CERKL: variants seen among roughly 807,000 people sequenced by gnomAD.
CERKL encodes CERK like autophagy regulator, also known as ceramide kinase-like protein.
CERKL carries 61 observed loss-of-function variants against 63.4 expected under a neutral mutation model. The observed-to-expected ratio is 0.96, with a 90% CI of 0.78 to 1.19. The LOEUF (loss-of-function observed/expected upper bound fraction) is 1.19. CERKL is among the 50% of genes most tolerant of loss of function. The pLI, the probability that CERKL is intolerant of heterozygous loss-of-function variation, is 0.00. For synonymous variants in CERKL, 250 were observed against 230.5 expected (o/e 1.08, Z -0.77); for missense variants, 675 against 655.5 (o/e 1.03, Z -0.33).
intron 3 of CERKL, among the ~76,000 whole-genome samples, chr2:181,572,040 GC>G (rs1688923884): frequency 6.6e-6 from 1 of 152,044 alleles, no homozygotes. Flanking sequence ...GGAAAGTAGA[GC>G]AAAGTTATGG....
At chr2:181,553,703 G>T (rs1688086570) in intron 5 of CERKL, among the ~76,000 whole-genome samples, 2 of 152,148 alleles carry the variant, frequency 1.3e-5, no homozygotes, top group Non-Finnish European at 1.5e-5. Context: ...CTAGAAGTCA[G>T]AAAATTATTT....
At chr2:181,597,585 C>A (rs936849809) in intron 2 of CERKL, among the ~76,000 whole-genome samples, 10 of 152,174 alleles carry the variant, frequency 6.6e-5, no homozygotes, top group Non-Finnish European at 1.5e-4. Context: ...AGGCCCCACC[C>A]TTGTGACCCA....
chr2:181,569,106 T>C (rs146383472), intron 3 of CERKL, among the ~76,000 whole-genome samples: 138 of 152,282 alleles, frequency 9.1e-4, no homozygotes, highest in African/African-American at 3.3e-3. Flanking sequence ...CATATCACTT[T>C]TTTGTATATA....
At chr2:181,610,999 C>T (rs1574496746) in intron 1 of CERKL, among the ~76,000 whole-genome samples, 1 of 151,820 alleles carries the variant, frequency 6.6e-6, no homozygotes, top group South Asian at 2.1e-4. Context: ...CTGAGGTGGG[C>T]GGATCACAGG....
At chr2:181,622,336 C>T (rs1011010368) in intron 1 of CERKL, among the ~76,000 whole-genome samples, 7 of 152,162 alleles carry the variant, frequency 4.6e-5, no homozygotes, top group African/African-American at 1.7e-4. Context: ...ACCTGTGCCT[C>T]TGTGGCAGAA....
chr2:181,552,013 C>T (rs982150410), intron 5 of CERKL, among the ~76,000 whole-genome samples: 23 of 152,028 alleles, frequency 1.5e-4, no homozygotes, highest in African/African-American at 5.3e-4. Context: ...ATTTACAACA[C>T]GTGGATAAAC....
At chr2:181,603,255 C>T (rs146679978) in intron 2 of CERKL, 67 of 181,496 alleles carry the variant, frequency 3.7e-4, no homozygotes, top group African/African-American at 1.5e-3. Context: ...AAGGAGAATA[C>T]ATTCTTATAT....
At chr2:181,623,984 A>G (rs569541907) in intron 1 of CERKL, among the ~76,000 whole-genome samples, 122 of 152,324 alleles carry the variant, frequency 8.0e-4, no homozygotes, top group African/African-American at 2.8e-3. Flanking sequence ...ATTTTAACAC[A>G]TAGCTGGTTC....
At chr2:181,640,703 AT>A (rs1207650794) in intron 1 of CERKL, among the ~76,000 whole-genome samples, 1 of 152,192 alleles carries the variant, frequency 6.6e-6, no homozygotes, top group African/African-American at 2.4e-5. Flanking sequence ...TCTGTTCTCT[AT>A]ATCCATTGCC....
rs77555152 is a variant in CERKL, at chr2:181,563,065, C to A, written c.677+2993G>T. Among the ~76,000 whole-genome samples, 344 of 152,158 alleles carry A rather than the reference C, an allele frequency of 2.3e-3. 12 individuals carry two copies. In the East Asian group the frequency reaches 0.062, roughly 27 times the overall value. On this transcript the variant is annotated intron_variant, in intron 4 of 12. Coordinates refer to ENST00000410087, the MANE Select transcript of CERKL (RefSeq NM_201548.5). ...GCATAAAATCTATAGATTTTTAAAA[C>A]TATACTCACACTTATAAATGCAAGT...
intron 1 of CERKL, among the ~76,000 whole-genome samples, chr2:181,645,066 G>A (rs1687611160): frequency 6.6e-6 from 1 of 152,158 alleles, no homozygotes; most frequent in Admixed American, 6.6e-5. Flanking sequence ...ATTCCTGCTA[G>A]GCAAAGAGGG....
intron 2 of CERKL, among the ~76,000 whole-genome samples, chr2:181,579,999 A>G (rs1432403245): frequency 6.6e-6 from 1 of 151,950 alleles, no homozygotes; most frequent in East Asian, 1.9e-4. Context: ...TTAATAGTCA[A>G]TAAGACTGGT....
chr2:181,592,530 G>T (rs894684276), intron 2 of CERKL, among the ~76,000 whole-genome samples: 7 of 152,048 alleles, frequency 4.6e-5, no homozygotes, highest in Non-Finnish European at 7.4e-5. Flanking sequence ...AACCAAGGTA[G>T]GCATCATAAG....
intron 1 of CERKL, chr2:181,649,748 G>A (rs1687821373): frequency 6.6e-6 from 1 of 152,198 alleles, no homozygotes; most frequent in Admixed American, 6.5e-5. Context: ...CTAGAAATCA[G>A]GCCAGGTGCA....
chr2:181,542,698 T>C (rs1054235854), intron 11 of CERKL, among the ~76,000 whole-genome samples: 18 of 151,856 alleles, frequency 1.2e-4, no homozygotes, highest in Admixed American at 1.2e-3. Context: ...TTAAGGCCAG[T>C]GAATCACACA....
At chr2:181,638,834 G>A (rs933223365) in intron 1 of CERKL, among the ~76,000 whole-genome samples, 1 of 152,188 alleles carries the variant, frequency 6.6e-6, no homozygotes, top group African/African-American at 2.4e-5. Context: ...CAAAAATCTT[G>A]TGACATCTGA....
rs1291104871 is a variant in CERKL at position 181,538,155 on chromosome 2, T to G, written c.*29A>C. On this transcript the variant is annotated 3_prime_UTR_variant, in exon 13 of 13. Coordinates refer to ENST00000410087, the MANE Select transcript of CERKL (RefSeq NM_201548.5). Reference sequence around the variant, plus strand: ...ATTTCTTTATATTAAAATTCTAGTTTGTACATTTCTTTTAGAAACAATTAC... The same window carrying G: ...ATTTCTTTATATTAAAATTCTAGTTGGTACATTTCTTTTAGAAACAATTAC... 7.0e-7 allele frequency: 1 copy of G among 1,423,780 alleles called. No individual in the cohort carries two copies. The highest frequency in any genetic ancestry group is 2.4e-5 in the East Asian group (1 of 42,496). 88.2% of individuals were successfully genotyped at this position (1,423,780 alleles called of 1,614,324 possible).
chr2:181,573,914 A>G (rs2105846842), intron 2 of CERKL, 30 bp from the exon 3 acceptor site: 1 of 1,608,114 alleles, frequency 6.2e-7, no homozygotes. Flanking sequence ...ACAAAGTTGT[A>G]AAGTCCTTGT....
intron 2 of CERKL, among the ~76,000 whole-genome samples, chr2:181,579,447 A>AT (rs1481692099): frequency 1.3e-5 from 2 of 151,894 alleles, no homozygotes; most frequent in Admixed American, 1.3e-4. Context: ...CTTTCTATGT[A>AT]TGTCACTTGC....
Sources: allele counts gnomAD v4.1 joint callset (sites outside exome capture counted in the v4.1 genomes callset), GRCh38; gene constraint gnomAD v4.1.1; transcripts MANE v1.5; gene names NCBI Gene and HGNC (gene_info 2026-07-23, HGNC 2026-07-21).